The following CCDC91 variants were observed in gnomAD, a reference collection of about 807,000 sequenced individuals.
The protein encoded by CCDC91 is coiled-coil domain containing 91.
A neutral mutation model predicts 63.2 loss-of-function variants in CCDC91; 48 were observed. The observed-to-expected ratio is 0.76, with a 90% confidence interval of 0.60 to 0.97. The LOEUF (loss-of-function observed/expected upper bound fraction) is 0.97. Ranked by LOEUF, CCDC91 falls within the 50% of genes least tolerant of loss-of-function variation. CCDC91 has a pLI of 0.00. For missense variants in CCDC91, 500 were observed against 494.6 expected, an observed-to-expected ratio of 1.01 and a Z score of -0.10; for synonymous variants, 167 against 165.8, an observed-to-expected ratio of 1.01 and a Z score of -0.06.
intron 6 of CCDC91, among the ~76,000 whole-genome samples, chr12:28,356,054 A>T (rs573113639): frequency 3.9e-5 from 6 of 152,006 alleles, no homozygotes; most frequent in African/African-American, 1.4e-4. Flanking sequence ...TATTTATCTA[A>T]ATTTGGAATT....
intron 7 of CCDC91, among the ~76,000 whole-genome samples, chr12:28,363,976 T>C (rs952588544): frequency 6.6e-6 from 1 of 151,364 alleles, no homozygotes; most frequent in Non-Finnish European, 1.5e-5. Context: ...TTTTTTTTTT[T>C]CTTCACCTAG....
At chr12:28,361,321 T>C (rs756806386) in intron 6 of CCDC91, among the ~76,000 whole-genome samples, 29 of 151,944 alleles carry the variant, frequency 1.9e-4, no homozygotes, top group Non-Finnish European at 4.0e-4. Context: ...CCTAAAGCTA[T>C]CTCTCCCCAC....
At chr12:28,499,934 T>G (rs993830440) in intron 12 of CCDC91, among the ~76,000 whole-genome samples, 1 of 152,162 alleles carries the variant, frequency 6.6e-6, no homozygotes, top group Admixed American at 6.6e-5. Flanking sequence ...TCTTCCACAA[T>G]GGTTGAACTA....
chr12:28,289,487 G>A (rs1949090483), intron 3 of CCDC91, among the ~76,000 whole-genome samples: 1 of 151,960 alleles, frequency 6.6e-6, no homozygotes, highest in African/African-American at 2.4e-5. Flanking sequence ...TATTTGAATG[G>A]TGTTGAGCTT....
chr12:28,412,690 G>C, intron 8 of CCDC91: 8 of 450,306 alleles, frequency 1.8e-5, no homozygotes, highest in South Asian at 1.3e-4. Flanking sequence ...TGCTGCTGCT[G>C]GCTGGGGTGG....
At chr12:28,501,540 C>A (rs893287923) in intron 12 of CCDC91, among the ~76,000 whole-genome samples, 2 of 151,918 alleles carry the variant, frequency 1.3e-5, no homozygotes, top group Non-Finnish European at 2.9e-5. Context: ...ACCAGCCTTG[C>A]ATCCCAGGGA....
intron 11 of CCDC91, among the ~76,000 whole-genome samples, chr12:28,479,303 G>T (rs141284538): frequency 2.6e-5 from 4 of 152,122 alleles, no homozygotes; most frequent in Non-Finnish European, 5.9e-5. Context: ...AAGAGTTCAT[G>T]TCCTTTGTAG....
At chr12:28,474,178 T>C (rs1276687388) in intron 11 of CCDC91, among the ~76,000 whole-genome samples, 1 of 152,148 alleles carries the variant, frequency 6.6e-6, no homozygotes, top group Admixed American at 6.6e-5. Context: ...TAATCCATTA[T>C]CAAAATATCA....
At chr12:28,440,044 T>C (rs1949105833) in intron 8 of CCDC91, among the ~76,000 whole-genome samples, 1 of 152,128 alleles carries the variant, frequency 6.6e-6, no homozygotes, top group South Asian at 2.1e-4. Flanking sequence ...AAGCAAAATG[T>C]AATAAACTCT....
intron 12 of CCDC91, among the ~76,000 whole-genome samples, chr12:28,492,214 TG>T (rs1952050890): frequency 6.6e-6 from 1 of 151,742 alleles, no homozygotes; most frequent in African/African-American, 2.4e-5. Flanking sequence ...TCAGTATAAA[TG>T]TTTTTTTTTC....
At chr12:28,473,672 G>A (rs141670376) in intron 11 of CCDC91, among the ~76,000 whole-genome samples, 9 of 152,084 alleles carry the variant, frequency 5.9e-5, no homozygotes, top group East Asian at 3.9e-4. Flanking sequence ...ATTGATTCCT[G>A]AAATAAATAA....
intron 1 of CCDC91, among the ~76,000 whole-genome samples, chr12:28,220,152 T>C (rs1943840275): frequency 6.6e-6 from 1 of 152,096 alleles, no homozygotes; most frequent in African/African-American, 2.4e-5. Flanking sequence ...CTATTTGTTT[T>C]CCTTTTTTTC....
At chr12:28,234,088 A>G (rs1242000488) in intron 1 of CCDC91, among the ~76,000 whole-genome samples, 2 of 152,146 alleles carry the variant, frequency 1.3e-5, no homozygotes, top group Non-Finnish European at 2.9e-5. Context: ...TTTTTCAAAA[A>G]GGGATTATAA....
intron 8 of CCDC91, among the ~76,000 whole-genome samples, chr12:28,439,740 T>C (rs971537965): frequency 1.5e-4 from 23 of 150,976 alleles, no homozygotes; most frequent in Non-Finnish European, 2.8e-4. Flanking sequence ...TTTCTTTTTT[T>C]TTTTTTTTAA....
chr12:28,452,425 A>G (rs1223396366), intron 10 of CCDC91, 53 bp from the exon 11 acceptor site: 22 of 1,241,276 alleles, frequency 1.8e-5, no homozygotes, highest in Non-Finnish European at 2.2e-5. Context: ...CTGTTACTCA[A>G]GAAATTATTA....
intron 7 of CCDC91, among the ~76,000 whole-genome samples, chr12:28,390,253 A>C (rs1945850040): frequency 2.0e-5 from 3 of 152,112 alleles, no homozygotes; most frequent in Non-Finnish European, 4.4e-5. Flanking sequence ...TGGTGTTTTC[A>C]ACCAAGTAAA....
intron 3 of CCDC91, among the ~76,000 whole-genome samples, chr12:28,264,810 T>C (rs550449114): frequency 6.6e-6 from 1 of 152,064 alleles, no homozygotes; most frequent in East Asian, 1.9e-4. Flanking sequence ...TTATTTAAAT[T>C]AATTCTTTGG....
At chr12:28,323,255 G>A (rs1188909092) in intron 6 of CCDC91, among the ~76,000 whole-genome samples, 1 of 151,372 alleles carries the variant, frequency 6.6e-6, no homozygotes, top group African/African-American at 2.4e-5. Context: ...GTTCAATTCC[G>A]GTCATTTTGT....
intron 12 of CCDC91, among the ~76,000 whole-genome samples, chr12:28,517,410 T>A: frequency 6.6e-6 from 1 of 151,950 alleles, no homozygotes; most frequent in East Asian, 1.9e-4. Flanking sequence ...TTGAACAGAC[T>A]GACTTTTCTG....
Sources: allele counts gnomAD v4.1 joint callset (sites outside exome capture counted in the v4.1 genomes callset), GRCh38; gene constraint gnomAD v4.1.1; transcripts MANE v1.5; gene names NCBI Gene and HGNC (gene_info 2026-07-23, HGNC 2026-07-21).